The following ARHGEF11 variants were observed in gnomAD, a reference collection of about 807,000 sequenced individuals.
The protein encoded by ARHGEF11 is Rho guanine nucleotide exchange factor 11, also known as Rho guanine exchange factor (GEF) 11.
In ARHGEF11, 55 loss-of-function variants were observed where a neutral mutation model predicts 193.7. The observed-to-expected ratio is 0.28, with a 90% CI of 0.23 to 0.36. The LOEUF (loss-of-function observed/expected upper bound fraction) is 0.36, where lower values mean the gene tolerates loss of function less well. ARHGEF11 is among the 10% of genes least tolerant of loss of function. The pLI, the probability that ARHGEF11 is intolerant of heterozygous loss-of-function variation, is 1.00. For synonymous variants in ARHGEF11, 693 were observed against 768.0 expected (o/e 0.90, Z 1.62); for missense variants, 1,723 against 2,005.6 (o/e 0.86, Z 2.69).
At position 156,979,306 on chromosome 1, in the gene ARHGEF11, T is replaced by C. The variant is rs765237988; in HGVS notation, c.274-20A>G. On this transcript the variant is annotated intron_variant, in intron 4 of 40. Coordinates refer to ENST00000368194, the MANE Select transcript of ARHGEF11 (RefSeq NM_198236.3). ...GTTGACCTGTTGGAGGGACAAACAG[T>C]ATTGAGTAATGGTAATGAACAGCTA... 1 of 1,607,984 alleles carries C rather than the reference T, an allele frequency of 6.2e-7. No homozygotes were observed. Among genetic ancestry groups the C allele is most frequent in the Non-Finnish European group, 8.5e-7 (1 of 1,174,822 alleles).
rs772393627 is a variant in ARHGEF11, at chr1:156,945,206, A to G, written c.2813-9T>C. Reference sequence around the variant, plus strand: ...ATGCTCAGAGGTGCCACCTACCAAAATGGACAGAAGAGATGGTTGGGGCTC... The same window carrying G: ...ATGCTCAGAGGTGCCACCTACCAAAGTGGACAGAAGAGATGGTTGGGGCTC... On this transcript the variant is annotated splice_polypyrimidine_tract_variant and intron_variant, in intron 29 of 40. Coordinates refer to ENST00000368194, the MANE Select transcript of ARHGEF11 (RefSeq NM_198236.3). 1 of 1,612,812 alleles carries G rather than the reference A, an allele frequency of 6.2e-7. No individual in the cohort carries two copies. Among genetic ancestry groups the G allele is most frequent in the Admixed American group, 1.7e-5 (1 of 59,924 alleles).
intron 12 of ARHGEF11, 48 bp from the exon 13 acceptor site, chr1:156,963,352 C>G: frequency 6.4e-7 from 1 of 1,553,032 alleles, no homozygotes; most frequent in Non-Finnish European, 8.9e-7. Context: ...CACAGCAGCA[C>G]AGCGGGTTCC....
At chr1:157,004,017 C>A (rs1314746102) in intron 1 of ARHGEF11, among the ~76,000 whole-genome samples, 1 of 152,148 alleles carries the variant, frequency 6.6e-6, no homozygotes, top group Non-Finnish European at 1.5e-5. Flanking sequence ...CGTTTCTCTA[C>A]CTATGACTTA....
rs1000606279 is a variant in ARHGEF11 at position 156,986,779 on chromosome 1, T to C, written c.33-606A>G. Among the ~76,000 whole-genome samples, 7 of 152,284 alleles carry C rather than the reference T, an allele frequency of 4.6e-5. No individual in the cohort carries two copies. In the East Asian group the frequency reaches 1.4e-3, roughly 29 times the overall value. On this transcript the variant is annotated intron_variant, in intron 1 of 40. Coordinates refer to ENST00000368194, the MANE Select transcript of ARHGEF11 (RefSeq NM_198236.3). ...TAACAGTGATCTCCAGGAGGGTAAA[T>C]GGGCATGAGTATAAGCCCGCTGGGT...
chr1:156,937,337 C>T lies in ARHGEF11; in HGVS notation c.4352G>A (p.Ser1451Asn). ...GAGGGCCAGGCTTGGAGGAGAGCGGCTGGGGCGTCTTGGATCATCGTTGCC... is the reference window on the plus strand; with the variant it reads ...GAGGGCCAGGCTTGGAGGAGAGCGGTTGGGGCGTCTTGGATCATCGTTGCC... ...QGGNDDPRRP[S>N]RSPPSLALRD... is the part of the protein sequence containing the mutation. The change falls in exon 39 of 41, where the codon AGC becomes AAC. Residue 1451 changes from serine (S) to asparagine (N), a missense_variant. Coordinates refer to ENST00000368194, the MANE Select transcript of ARHGEF11 (RefSeq NM_198236.3). 2.5e-6 allele frequency: 4 copies of T among 1,613,618 alleles called. No individual in the cohort carries two copies. Among genetic ancestry groups the T allele is most frequent in the Non-Finnish European group, 3.4e-6 (4 of 1,179,786 alleles).
intron 1 of ARHGEF11, among the ~76,000 whole-genome samples, chr1:157,002,710 C>A (rs897237569): frequency 1.3e-5 from 2 of 152,120 alleles, no homozygotes; most frequent in African/African-American, 4.8e-5. Flanking sequence ...TAACACAGTG[C>A]TAAGCATATA....
At position 157,008,070 on chromosome 1, in the gene ARHGEF11, C is replaced by T. The variant is rs572179913; in HGVS notation, c.33-21897G>A. ...TTTAAACCTAGCCCTATTCAGTTCT[C>T]AGTTGCCCAAGAAAATGTAGAGGGA... On this transcript the variant is annotated intron_variant, in intron 1 of 40. Coordinates refer to ENST00000368194, the MANE Select transcript of ARHGEF11 (RefSeq NM_198236.3). Among the ~76,000 whole-genome samples the T allele has an allele frequency of 9.9e-5, 15 of 152,234 alleles. No homozygotes were observed. In the East Asian group the frequency reaches 2.9e-3, roughly 29 times the overall value.
intron 37 of ARHGEF11, chr1:156,938,891 C>T: frequency 4.4e-6 from 1 of 227,464 alleles, no homozygotes; most frequent in Admixed American, 5.6e-5. Flanking sequence ...CCTCTCAGAC[C>T]AGCCCACTCT....
intron 1 of ARHGEF11, among the ~76,000 whole-genome samples, chr1:157,034,180 A>C (rs1426939251): frequency 6.6e-6 from 1 of 152,146 alleles, no homozygotes; most frequent in Non-Finnish European, 1.5e-5. Context: ...CTAGCTGCAC[A>C]CAAGGTCCCA....
intron 11 of ARHGEF11, among the ~76,000 whole-genome samples, chr1:156,965,214 A>C (rs2102231250): frequency 6.6e-6 from 1 of 152,290 alleles, no homozygotes; most frequent in Non-Finnish European, 1.5e-5. Context: ...GGGCTCCAAC[A>C]CTATTGACCC....
rs570702257 is a variant in ARHGEF11 at position 157,022,925 on chromosome 1, G to A, written c.32+21374C>T. 2.0e-5 allele frequency among the ~76,000 whole-genome samples: 3 copies of A among 152,306 alleles called. No individual in the cohort carries two copies. In the South Asian group the frequency reaches 6.2e-4, roughly 32 times the overall value. ...AGAAAGAATAGTTTTTTCAACAAAT[G>A]GGGCTGGGACAATCAGAAATCCATA... is the stretch of plus-strand genomic sequence containing the variant. On this transcript the variant is annotated intron_variant, in intron 1 of 40. Transcript: ENST00000368194.
Position 156,941,901 on chromosome 1 carries a change from G to A in ARHGEF11, c.3415C>T (p.Pro1139Ser), listed in dbSNP as rs772959897. 6.2e-7 allele frequency: 1 copy of A among 1,613,712 alleles called. No individual in the cohort carries two copies. The highest frequency in any genetic ancestry group is 1.7e-5 in the Admixed American group (1 of 59,986). ...GGGCCCTGCTGGGCTGGCTCCCGGGGACCTGGGGGTGGAGGATGGACGGGC... is the reference window on the plus strand; with the variant it reads ...GGGCCCTGCTGGGCTGGCTCCCGGGAACCTGGGGGTGGAGGATGGACGGGC... ...PMPVHPPPPGPREPAQQGPTP... is the reference protein window; with the variant it reads ...PMPVHPPPPGSREPAQQGPTP... Residue 1139 changes from proline (P) to serine (S), a missense_variant, in exon 34 of 41, where the codon CCC becomes TCC. By Grantham distance (74) the Pro-to-Ser change is moderately conservative. This residue lies in a region of ARHGEF11 where 203 missense variants were observed against 237.3 expected (regional missense o/e 0.86). Transcript: ENST00000368194.
intron 1 of ARHGEF11, among the ~76,000 whole-genome samples, chr1:157,027,089 T>C (rs1409735462): frequency 6.6e-6 from 1 of 152,076 alleles, no homozygotes; most frequent in African/African-American, 2.4e-5. Context: ...ACTTAAAGAG[T>C]ACTGTCTAGG....
chr1:156,958,719 T>A (rs746810180), intron 17 of ARHGEF11, 23 bp downstream of exon 17: 1 of 1,613,370 alleles, frequency 6.2e-7, no homozygotes, highest in Non-Finnish European at 8.5e-7. Context: ...TTCAGTGGGG[T>A]GGGAGGAAGC....
chr1:157,015,507 C>T (rs981194188), intron 1 of ARHGEF11, among the ~76,000 whole-genome samples: 3 of 152,242 alleles, frequency 2.0e-5, no homozygotes, highest in Non-Finnish European at 4.4e-5. Flanking sequence ...TCCTAACTCA[C>T]AGGGCACATC....
chr1:156,979,317 G>A (rs1663751913), intron 4 of ARHGEF11, 31 bp from the exon 5 acceptor site: 2 of 1,564,690 alleles, frequency 1.3e-6, no homozygotes, highest in African/African-American at 1.4e-5. Context: ...ATTGAGTAAT[G>A]GTAATGAACA....
At chr1:157,020,125 GAA>G (rs200320955) in intron 1 of ARHGEF11, among the ~76,000 whole-genome samples, 2 of 136,846 alleles carry the variant, frequency 1.5e-5, no homozygotes, top group Admixed American at 7.3e-5. Flanking sequence ...CTCTGTCTCA[GAA>G]AAAAAAAAAA....
rs373698336 is a variant in ARHGEF11 at position 156,944,361 on chromosome 1, A to G, written c.3064T>C (p.Leu1022=). The change falls in exon 31 of 41, where the codon TTG becomes CTG. Residue 1022 remains leucine (L), a synonymous_variant. Coordinates refer to ENST00000368194, the MANE Select transcript of ARHGEF11 (RefSeq NM_198236.3). ...LTWRISKDKT[L]DLHVLLLEDL... ...GTCCCAGTCCCCTGGCACATACCCA[A>G]GGTCTTATCCTTGCTGATCCTCCAG... is the stretch of plus-strand genomic sequence containing the variant. The G allele has an allele frequency of 1.5e-4, 249 of 1,614,058 alleles. 4 individuals are homozygous for G. The South Asian group carries it at 2.5e-3, about 16-fold the overall frequency.
At chr1:157,025,289 C>T (rs1039910269) in intron 1 of ARHGEF11, among the ~76,000 whole-genome samples, 1 of 152,154 alleles carries the variant, frequency 6.6e-6, no homozygotes, top group Non-Finnish European at 1.5e-5. Flanking sequence ...TCCAACAGGC[C>T]TGAGGTTCCC....
Sources: gnomAD v4.1 joint callset for allele counts (sites outside exome capture counted in the v4.1 genomes callset) on GRCh38, gnomAD v4.1.1 for gene constraint, gnomAD v4.1.1 regional missense constraint, MANE v1.5 for transcripts, NCBI Gene and HGNC (gene_info 2026-07-23, HGNC 2026-07-21) for gene names.